PCDHA3: variants seen among roughly 807,000 people sequenced by gnomAD.
PCDHA3 encodes protocadherin alpha 3.
PCDHA3 carries 41 observed loss-of-function variants against 62.2 expected under a neutral mutation model. The ratio of observed to expected loss-of-function variants is 0.66; its 90% CI spans 0.51 to 0.86. PCDHA3 has a LOEUF of 0.86. Among genes scored for constraint, PCDHA3 ranks in the 40% least tolerant of loss-of-function variants. PCDHA3 has a pLI of 0.00. For missense variants in PCDHA3, 1,304 were observed against 1,241.2 expected (o/e 1.05, Z -0.76); for synonymous variants, 640 against 555.4 (o/e 1.15, Z -2.14).
intron 1 of PCDHA3, chr5:140,866,915 A>C (rs1413291718): frequency 6.6e-6 from 1 of 152,138 alleles, no homozygotes. Context: ...CTCAAAGATG[A>C]GTTCAAAGGG....
chr5:140,914,928 T>C lies in PCDHA3; in HGVS notation c.2395-64021T>C, dbSNP rs75399267. On this transcript the variant is annotated intron_variant, in intron 1 of 3. Coordinates refer to ENST00000522353, the MANE Select transcript of PCDHA3 (RefSeq NM_018906.3). ...TGTTTCTCTGTGTCTTATTGTACTA[T>C]GTTGTGAAAAGTTGTCTTTTTTTTT... Among the ~76,000 whole-genome samples the C allele has an allele frequency of 4.6e-3, 691 of 150,904 alleles. 3 individuals carry two copies. The highest frequency in any genetic ancestry group is 0.016 in the African/African-American group (668 of 41,182).
chr5:140,856,373 G>A (rs781914523), intron 1 of PCDHA3: 1 of 1,598,562 alleles, frequency 6.3e-7, no homozygotes, highest in Non-Finnish European at 8.6e-7. Context: ...GGAGGTGATC[G>A]TGGACAGGCC....
At chr5:140,814,148 T>G (rs1765442491) in intron 1 of PCDHA3, 2 of 153,200 alleles carry the variant, frequency 1.3e-5, no homozygotes, top group South Asian at 4.1e-4. Flanking sequence ...AAATATTTTC[T>G]CTTTATATCC....
intron 3 of PCDHA3, among the ~76,000 whole-genome samples, chr5:140,986,013 A>C (rs544858025): frequency 6.6e-6 from 1 of 152,298 alleles, no homozygotes; most frequent in Admixed American, 6.5e-5. Flanking sequence ...TGCTGGGATT[A>C]CAGGCGTGAG....
chr5:141,010,446 C>T lies in PCDHA3; in HGVS notation c.*509C>T. The T allele has an allele frequency of 1.1e-6, 1 of 944,708 alleles. No homozygotes were observed. The highest frequency in any genetic ancestry group is 1.5e-6 in the Non-Finnish European group (1 of 656,274). 58.5% of individuals were successfully genotyped at this position (944,708 alleles called of 1,614,324 possible). ...AGGCAAGAAAACAAAGACAAATAAACAGCGGAAGTTATCAGTATGGAGGGG... is the reference window on the plus strand; with the variant it reads ...AGGCAAGAAAACAAAGACAAATAAATAGCGGAAGTTATCAGTATGGAGGGG... On this transcript the variant is annotated 3_prime_UTR_variant, in exon 4 of 4. Coordinates refer to ENST00000522353, the MANE Select transcript of PCDHA3 (RefSeq NM_018906.3).
chr5:140,896,453 C>T (rs782013950), intron 1 of PCDHA3, among the ~76,000 whole-genome samples: 3 of 152,106 alleles, frequency 2.0e-5, no homozygotes, highest in Non-Finnish European at 2.9e-5. Context: ...ACCTCCACCT[C>T]CTGGGTTCAA....
intron 1 of PCDHA3, among the ~76,000 whole-genome samples, chr5:140,931,054 G>A (rs2087273007): frequency 6.6e-6 from 1 of 152,180 alleles, no homozygotes; most frequent in Admixed American, 6.5e-5. Context: ...CTTCAATGCT[G>A]TGTCTGGGAC....
chr5:140,876,784 A>T (rs1336979041), intron 1 of PCDHA3: 1 of 1,614,094 alleles, frequency 6.2e-7, no homozygotes, highest in Non-Finnish European at 8.5e-7. Flanking sequence ...GCTGTGGGCC[A>T]CGGCTAGAGT....
chr5:140,849,396 G>A (rs1554142933), intron 1 of PCDHA3: 1 of 1,544,756 alleles, frequency 6.5e-7, no homozygotes, highest in Non-Finnish European at 8.8e-7. Context: ...CTTAAGTGGG[G>A]CAATCACAGT....
chr5:140,819,545 A>G (rs1002089738), intron 1 of PCDHA3, among the ~76,000 whole-genome samples: 12 of 152,144 alleles, frequency 7.9e-5, no homozygotes, highest in Non-Finnish European at 1.8e-4. Context: ...AATCTGTAAC[A>G]TTTGATTGAA....
At chr5:140,836,032 C>G (rs2150251120) in intron 1 of PCDHA3, 1 of 1,613,416 alleles carries the variant, frequency 6.2e-7, no homozygotes, top group African/African-American at 1.3e-5. Context: ...AGCAACGTGA[C>G]GCTGCAGGTG....
intron 1 of PCDHA3, chr5:140,871,024 T>C: frequency 6.2e-7 from 1 of 1,613,196 alleles, no homozygotes; most frequent in Non-Finnish European, 8.5e-7. Context: ...CGAGGCAGAC[T>C]CGCCGCGCCA....
In PCDHA3 at chr5:141,009,796, T is replaced by C; in HGVS notation, c.2712T>C (p.Thr904=). The C allele has an allele frequency of 6.2e-7, 1 of 1,614,046 alleles. No individual in the cohort carries two copies. The highest frequency in any genetic ancestry group is 8.5e-7 in the Non-Finnish European group (1 of 1,180,016). Residue 904 remains threonine (T), a synonymous_variant, in exon 4 of 4, where the codon ACT becomes ACC. Coordinates refer to ENST00000522353, the MANE Select transcript of PCDHA3 (RefSeq NM_018906.3). ...PAIISIRQEP[T]NSQIDKSDFI... ...TCATCTCCATCCGGCAGGAGCCTACTAACAGCCAAATTGACAAAAGTGACT... is the reference window on the plus strand; with the variant it reads ...TCATCTCCATCCGGCAGGAGCCTACCAACAGCCAAATTGACAAAAGTGACT...
chr5:140,807,595 A>T (rs1205314334), intron 1 of PCDHA3: 2 of 1,614,194 alleles, frequency 1.2e-6, no homozygotes. Flanking sequence ...TCCCAGCAAC[A>T]CAAAAGAACC....
intron 1 of PCDHA3, chr5:140,862,140 G>A (rs2047224781): frequency 6.1e-6 from 1 of 162,900 alleles, no homozygotes; most frequent in Admixed American, 5.7e-5. Flanking sequence ...AGGTTTTGAG[G>A]AAACTAAATA....
intron 1 of PCDHA3, chr5:140,876,994 G>C (rs375771604): frequency 3.7e-6 from 6 of 1,612,620 alleles, no homozygotes; most frequent in South Asian, 1.1e-5. Context: ...GTCGAGCTAC[G>C]TGTCGGTGCA....
intron 1 of PCDHA3, chr5:140,928,142 C>T (rs2084978114): frequency 1.9e-6 from 3 of 1,614,170 alleles, no homozygotes; most frequent in East Asian, 2.2e-5. Flanking sequence ...CTGATCACGG[C>T]CTCAGATAGT....
chr5:140,852,172 A>T (rs2042256675), intron 1 of PCDHA3: 1 of 802,380 alleles, frequency 1.2e-6, no homozygotes, highest in South Asian at 5.6e-5. Context: ...GAGCCACAAA[A>T]ATAACTATGA....
At chr5:140,871,627 G>A (rs1448842330) in intron 1 of PCDHA3, 32 of 1,398,812 alleles carry the variant, frequency 2.3e-5, no homozygotes, top group African/African-American at 4.4e-5. Flanking sequence ...AGATAACAAT[G>A]TCTGTTCATA....
Sources: gnomAD v4.1 joint callset for allele counts (sites outside exome capture counted in the v4.1 genomes callset) on GRCh38, gnomAD v4.1.1 for gene constraint, MANE v1.5 for transcripts, NCBI Gene and HGNC (gene_info 2026-07-23, HGNC 2026-07-21) for gene names.